The following SNTG1 variants were observed in gnomAD, a reference collection of about 807,000 sequenced individuals.
SNTG1 encodes gamma-1-syntrophin.
A neutral mutation model predicts 74.7 loss-of-function variants in SNTG1; 39 were observed. The observed-to-expected ratio is 0.52, with a 90% CI of 0.40 to 0.68. The LOEUF is 0.68. Ranked by LOEUF, SNTG1 falls within the 30% of genes least tolerant of loss-of-function variation. The pLI is 0.00. For synonymous variants in SNTG1, 254 were observed against 217.1 expected, an observed-to-expected ratio of 1.17 and a Z score of -1.49; for missense variants, 685 against 609.5, an observed-to-expected ratio of 1.12 and a Z score of -1.30.
chr8:49,984,115 ATGT>A (rs1400747411), intron 1 of SNTG1, among the ~76,000 whole-genome samples: 1 of 152,164 alleles, frequency 6.6e-6, no homozygotes, highest in Non-Finnish European at 1.5e-5. Context: ...ATTATAGTTC[ATGT>A]TGTGAGAATT....
intron 1 of SNTG1, among the ~76,000 whole-genome samples, chr8:49,972,252 A>G (rs1585718550): frequency 6.6e-6 from 1 of 152,338 alleles, no homozygotes; most frequent in South Asian, 2.1e-4. Context: ...CCTGACAAAA[A>G]CAAGAAATGA....
rs568837587 is a variant in SNTG1 at position 50,454,303 on chromosome 8, T to C, written c.363+3574T>C. On this transcript the variant is annotated intron_variant, in intron 8 of 18. Coordinates refer to ENST00000642720, the MANE Select transcript of SNTG1 (RefSeq NM_018967.5). ...CGAGGTCAGGAGTTCAAGACCAGCC[T>C]GACCAACATGGTGAAATCCCATCTC... Among the ~76,000 whole-genome samples, 257 of 151,288 alleles carry C rather than the reference T, an allele frequency of 1.7e-3. 1 individual carries two copies. Among genetic ancestry groups the C allele is most frequent in the African/African-American group, 6.0e-3 (246 of 41,206 alleles).
chr8:50,680,302 A>G (rs941595733), intron 15 of SNTG1, among the ~76,000 whole-genome samples: 1 of 152,244 alleles, frequency 6.6e-6, no homozygotes, highest in Non-Finnish European at 1.5e-5. Context: ...ATTATATAGT[A>G]TTATCCTTTG....
chr8:50,665,785 A>C (rs1008195983), intron 15 of SNTG1, among the ~76,000 whole-genome samples: 1 of 152,190 alleles, frequency 6.6e-6, no homozygotes, highest in Non-Finnish European at 1.5e-5. Flanking sequence ...AACTCAGCAA[A>C]TAAAATAGGA....
chr8:50,512,229 T>A (rs542292595), intron 9 of SNTG1, among the ~76,000 whole-genome samples: 1 of 152,298 alleles, frequency 6.6e-6, no homozygotes, highest in Non-Finnish European at 1.5e-5. Flanking sequence ...TCTTTAAGAA[T>A]GTTTAATATT....
At chr8:49,956,017 G>A (rs566107014) in intron 1 of SNTG1, among the ~76,000 whole-genome samples, 15 of 152,032 alleles carry the variant, frequency 9.9e-5, no homozygotes, top group African/African-American at 2.9e-4. Context: ...GCCAGAATAC[G>A]TTTCTCTCCA....
At chr8:50,213,425 G>C (rs1270684777) in intron 2 of SNTG1, among the ~76,000 whole-genome samples, 1 of 152,042 alleles carries the variant, frequency 6.6e-6, no homozygotes. Context: ...GCTGTGAGGG[G>C]GATGTTTTCT....
At chr8:50,135,704 G>A (rs1374935101) in intron 1 of SNTG1, among the ~76,000 whole-genome samples, 1 of 152,000 alleles carries the variant, frequency 6.6e-6, no homozygotes, top group Non-Finnish European at 1.5e-5. Flanking sequence ...TATTTATGCT[G>A]CATCTCTTCT....
At chr8:50,669,202 G>A (rs769776982) in intron 15 of SNTG1, among the ~76,000 whole-genome samples, 11 of 147,698 alleles carry the variant, frequency 7.4e-5, no homozygotes, top group East Asian at 2.0e-4. Context: ...CAGAACTGAA[G>A]GAAATAGAGA....
intron 13 of SNTG1, among the ~76,000 whole-genome samples, chr8:50,616,845 C>T (rs1399038540): frequency 1.3e-5 from 2 of 152,198 alleles, no homozygotes; most frequent in East Asian, 3.9e-4. Context: ...CTGCATATCA[C>T]TCAGCATTAG....
intron 18 of SNTG1, among the ~76,000 whole-genome samples, chr8:50,783,488 G>A (rs2095666100): frequency 6.6e-6 from 1 of 152,186 alleles, no homozygotes; most frequent in African/African-American, 2.4e-5. Flanking sequence ...CATGGGCATG[G>A]GACCCTCCGA....
intron 2 of SNTG1, among the ~76,000 whole-genome samples, chr8:50,269,735 T>C (rs1052211888): frequency 6.6e-6 from 1 of 151,676 alleles, no homozygotes; most frequent in Admixed American, 6.6e-5. Context: ...AAATAGAAAA[T>C]AAAGAGAAAA....
At chr8:50,700,089 C>G (rs1439919340) in intron 15 of SNTG1, among the ~76,000 whole-genome samples, 3 of 152,112 alleles carry the variant, frequency 2.0e-5, no homozygotes, top group African/African-American at 7.2e-5. Context: ...ATAACAGCTC[C>G]TGCATGTGTG....
At chr8:49,926,435 A>G (rs1297749875) in intron 1 of SNTG1, among the ~76,000 whole-genome samples, 3 of 152,142 alleles carry the variant, frequency 2.0e-5, no homozygotes, top group Non-Finnish European at 4.4e-5. Context: ...ATTAAATTTC[A>G]AACACCATGA....
At position 50,435,228 on chromosome 8, in the gene SNTG1, C is replaced by G. The variant is rs528799494; in HGVS notation, c.163-3315C>G. ...GGCTCAATCCTTTGCATTTTTGTAA[C>G]GAAAAAGAAGATTAAATAAAGGCAT... On this transcript the variant is annotated intron_variant, in intron 4 of 18. Coordinates refer to ENST00000642720, the MANE Select transcript of SNTG1 (RefSeq NM_018967.5). Among the ~76,000 whole-genome samples the G allele has an allele frequency of 4.6e-5, 7 of 151,788 alleles. No homozygotes were observed. In the South Asian group the frequency reaches 1.2e-3, roughly 27 times the overall value.
chr8:50,143,173 C>T (rs1006948120), intron 1 of SNTG1, among the ~76,000 whole-genome samples: 1 of 152,234 alleles, frequency 6.6e-6, no homozygotes, highest in South Asian at 2.1e-4. Flanking sequence ...CATGCTGTGT[C>T]GACCTGACAG....
chr8:50,248,959 G>A (rs1173806193), intron 2 of SNTG1, among the ~76,000 whole-genome samples: 1 of 152,144 alleles, frequency 6.6e-6, no homozygotes, highest in Non-Finnish European at 1.5e-5. Context: ...ACATCAGCAT[G>A]GTGGCCATCA....
chr8:50,609,504 G>C (rs568390421), intron 13 of SNTG1, among the ~76,000 whole-genome samples: 1 of 151,970 alleles, frequency 6.6e-6, no homozygotes, highest in Non-Finnish European at 1.5e-5. Flanking sequence ...ATTCCTAGCT[G>C]TACATCTCTT....
intron 15 of SNTG1, among the ~76,000 whole-genome samples, chr8:50,688,247 G>A (rs989648770): frequency 6.6e-6 from 1 of 152,128 alleles, no homozygotes; most frequent in African/African-American, 2.4e-5. Context: ...CTGTGCAGAA[G>A]CTCTTTAGTT....
Sources: allele counts gnomAD v4.1 joint callset (sites outside exome capture counted in the v4.1 genomes callset), GRCh38; gene constraint gnomAD v4.1.1; transcripts MANE v1.5; gene names NCBI Gene and HGNC (gene_info 2026-07-23, HGNC 2026-07-21).